Variants in TBX19 observed in about 807,000 individuals in gnomAD.
The protein encoded by TBX19 is T-box transcription factor 19.
A neutral mutation model predicts 40.9 loss-of-function variants in TBX19; 33 were observed. The observed-to-expected ratio is 0.81, with a 90% CI of 0.61 to 1.08. The LOEUF is 1.08. Among genes scored for constraint, TBX19 ranks in the 50% least tolerant of loss-of-function variants. The pLI is 0.00. For missense variants in TBX19, 494 were observed against 574.0 expected (o/e 0.86, Z 1.42); for synonymous variants, 220 against 225.0 (o/e 0.98, Z 0.20).
Position 168,312,730 on chromosome 1 carries a change from A to G in TBX19, c.1075A>G (p.Ile359Val), listed in dbSNP as rs1301801136. The G allele has an allele frequency of 6.2e-7, 1 of 1,613,742 alleles. No individual in the cohort carries two copies. Among genetic ancestry groups the G allele is most frequent in the African/African-American group, 1.3e-5 (1 of 75,062 alleles). The change falls in exon 8 of 8, where the codon ATC becomes GTC. Residue 359 changes from isoleucine (I) to valine (V), a missense_variant. Physicochemically the swap from Ile to Val is conservative, Grantham distance 29 (BLOSUM62 3). Coordinates refer to ENST00000367821, the MANE Select transcript of TBX19 (RefSeq NM_005149.3). ...GPSPYPCLWT[I>V]SNGAGGPSGP... is the part of the protein sequence containing the mutation. The stretch of plus-strand genomic sequence containing the variant: ...CAGCCCCTACCCGTGCCTGTGGACC[A>G]TCAGCAATGGTGCCGGAGGCCCCAG...
At position 168,297,791 on chromosome 1, in the gene TBX19, TAAAG is replaced by T; in HGVS notation, c.665+10_665+13del. 1 of 1,611,156 alleles carries T rather than the reference TAAAG, an allele frequency of 6.2e-7. No individual in the cohort carries two copies. Among genetic ancestry groups the T allele is most frequent in the Middle Eastern group, 1.7e-4 (1 of 6,060 alleles). ...TTCTTGGATGCCAAGGAAAGGTAAG[TAAAG>T]AAATTTTAGTGAAATCTTCTAATGA... On this transcript the variant is annotated splice_region_variant and intron_variant, in intron 4 of 7. Transcript: ENST00000367821.
At position 168,297,764 on chromosome 1, in the gene TBX19, C is replaced by G. The variant is rs1385369423; in HGVS notation, c.644C>G (p.Ala215Gly). The G allele has an allele frequency of 1.2e-6, 2 of 1,613,972 alleles. No individual in the cohort carries two copies. Among genetic ancestry groups the G allele is most frequent in the Admixed American group, 1.7e-5 (1 of 60,000 alleles). ...LKIKYNPFAK[A>G]FLDAKERNHL... ...ATCAAGTACAATCCTTTTGCCAAAG[C>G]CTTCTTGGATGCCAAGGAAAGGTAA... is the stretch of plus-strand genomic sequence containing the variant. The change falls in exon 4 of 8, where the codon GCC becomes GGC. Residue 215 changes from alanine to glycine, a missense_variant. Coordinates refer to ENST00000367821, the MANE Select transcript of TBX19 (RefSeq NM_005149.3).
chr1:168,306,447 G>A (rs1267889758), intron 6 of TBX19, among the ~76,000 whole-genome samples: 3 of 151,956 alleles, frequency 2.0e-5, no homozygotes, highest in Admixed American at 6.6e-5. Flanking sequence ...CCAACATGGC[G>A]AAACCCCGTC....
In TBX19 at chr1:168,312,938, C is replaced by A. The variant is rs1649561473; in HGVS notation, c.1283C>A (p.Pro428His). 1.9e-6 allele frequency: 3 copies of A among 1,614,130 alleles called. No individual in the cohort carries two copies. The highest frequency in any genetic ancestry group is 1.1e-5 in the South Asian group (1 of 91,092). Residue 428 changes from proline (P) to histidine (H), a missense_variant, in exon 8 of 8, where the codon CCC (proline) becomes CAC (histidine). Physicochemically the swap from Pro to His is moderately conservative, Grantham distance 77. Around this residue, in one of 3 missense-constraint regions of TBX19, gnomAD observed 284 missense variants for 307.3 expected, o/e 0.92. Coordinates refer to ENST00000367821, the MANE Select transcript of TBX19 (RefSeq NM_005149.3). ...VSTWTAVASHPFAGWGGPGAG... is the reference protein window; with the variant it reads ...VSTWTAVASHHFAGWGGPGAG... ...ACCTGGACAGCAGTGGCCTCGCATC[C>A]CTTCGCGGGCTGGGGTGGCCCAGGA...
intron 3 of TBX19, among the ~76,000 whole-genome samples, chr1:168,293,942 AAC>A (rs374223471): frequency 6.6e-6 from 1 of 152,302 alleles, no homozygotes; most frequent in East Asian, 1.9e-4. Context: ...TTTATTTAAA[AAC>A]ACATAATAAA....
intron 3 of TBX19, among the ~76,000 whole-genome samples, chr1:168,295,016 G>T (rs1238499353): frequency 6.6e-6 from 1 of 152,090 alleles, no homozygotes; most frequent in African/African-American, 2.4e-5. Context: ...ATCTTGGCCG[G>T]ACGTGGTGGC....
In TBX19 at chr1:168,297,771, G is replaced by A; in HGVS notation, c.651G>A (p.Leu217=). ...IKYNPFAKAF[L]DAKERNHLRD... is the part of the protein sequence containing the mutation. ...ACAATCCTTTTGCCAAAGCCTTCTT[G>A]GATGCCAAGGAAAGGTAAGTAAAGA... is the stretch of plus-strand genomic sequence containing the variant. Residue 217 remains leucine (L), a synonymous_variant, in exon 4 of 8, where the codon TTG becomes TTA. Transcript: ENST00000367821. 1 of 1,613,884 alleles carries A rather than the reference G, an allele frequency of 6.2e-7. No individual in the cohort carries two copies. Among genetic ancestry groups the A allele is most frequent in the Non-Finnish European group, 8.5e-7 (1 of 1,179,866 alleles).
At chr1:168,293,565 T>C (rs1649009200) in intron 3 of TBX19, among the ~76,000 whole-genome samples, 1 of 152,172 alleles carries the variant, frequency 6.6e-6, no homozygotes, top group Non-Finnish European at 1.5e-5. Flanking sequence ...GGAGTCTTTG[T>C]TGTCAGGACC....
In TBX19 at chr1:168,296,595, A is replaced by G. The variant is rs966327240; in HGVS notation, c.604-1129A>G. On this transcript the variant is annotated intron_variant, in intron 3 of 7. Transcript: ENST00000367821. Reference sequence around the variant, plus strand: ...TATCTCCCACCGGGACCGTCCCACAACACGTGGGAATTATGGGAGCTACAA... The same window carrying G: ...TATCTCCCACCGGGACCGTCCCACAGCACGTGGGAATTATGGGAGCTACAA... 1.1e-4 allele frequency among the ~76,000 whole-genome samples: 17 copies of G among 152,276 alleles called. 1 individual carries two copies. The highest frequency in any genetic ancestry group is 1.9e-4 in the East Asian group (1 of 5,184).
intron 3 of TBX19, among the ~76,000 whole-genome samples, chr1:168,296,720 T>C (rs897186342): frequency 1.9e-4 from 29 of 152,138 alleles, no homozygotes; most frequent in Admixed American, 4.6e-4. Flanking sequence ...GACATAAATA[T>C]TCTGTGAGCT....
chr1:168,308,144 ATT>A lies in TBX19; in HGVS notation c.917-585_917-584del, dbSNP rs72183595. On this transcript the variant is annotated intron_variant, in intron 6 of 7. Transcript: ENST00000367821. ...TGTAAAAAGGTATGTTTTTTTCTTA[ATT>A]TTTTTTTTTTTTAATTGTAGAGATG... 8.9e-3 allele frequency: 1,311 copies of A among 146,794 alleles called. 11 individuals carry two copies. Among genetic ancestry groups the A allele is most frequent in the African/African-American group, 0.027 (1,073 of 40,008 alleles). The allele number at this position is 146,794 out of a possible 1,614,324, so 9.1% of individuals were successfully genotyped here. A position where few individuals can be genotyped will look rare whatever the true frequency, so the allele number is the denominator to read the frequency against.
chr1:168,283,572 T>A (rs1386127681), intron 1 of TBX19, among the ~76,000 whole-genome samples: 2 of 151,958 alleles, frequency 1.3e-5, no homozygotes, highest in Admixed American at 1.3e-4. Flanking sequence ...CCCTTCTTCC[T>A]TCTCTCTTTT....
chr1:168,297,979 G>A (rs1465941704), intron 4 of TBX19, among the ~76,000 whole-genome samples, 194 bp downstream of exon 4: 1 of 152,104 alleles, frequency 6.6e-6, no homozygotes, highest in Non-Finnish European at 1.5e-5. Context: ...GGCAGATTAC[G>A]AGATCAGGAG....
chr1:168,296,180 CT>C (rs1649100981), intron 3 of TBX19, among the ~76,000 whole-genome samples: 1 of 152,142 alleles, frequency 6.6e-6, no homozygotes, highest in Admixed American at 6.5e-5. Flanking sequence ...TTCTTGTATG[CT>C]TTTCTACCTC....
rs773283992 is a variant in TBX19, at chr1:168,312,789, A to G, written c.1134A>G (p.Pro378=). Residue 378 remains proline (P), a synonymous_variant, in exon 8 of 8, where the codon CCA becomes CCG. Transcript: ENST00000367821. ...GPGPEVHAST[P]GAFLLGNPAV... ...GCCCGGAGGTGCACGCCAGCACCCC[A>G]GGAGCATTTCTCCTCGGAAACCCAG... 15 of 1,614,252 alleles carry G rather than the reference A, an allele frequency of 9.3e-6. No individual in the cohort carries two copies. The highest frequency in any genetic ancestry group is 9.3e-6 in the Non-Finnish European group (11 of 1,180,036).
At chr1:168,291,108 G>T in intron 1 of TBX19, 52 bp from the exon 2 acceptor site, 1 of 1,612,892 alleles carries the variant, frequency 6.2e-7, no homozygotes, top group South Asian at 1.1e-5. Flanking sequence ...TGGACAAGGT[G>T]AGAGTTCCTC....
intron 1 of TBX19, 82 bp from the exon 2 acceptor site, chr1:168,291,078 T>C: frequency 6.3e-7 from 1 of 1,593,456 alleles, no homozygotes. Flanking sequence ...CCGTGGAAGG[T>C]CTCAGTATTG....
At chr1:168,288,933 G>T (rs1305591964) in intron 1 of TBX19, among the ~76,000 whole-genome samples, 1 of 152,016 alleles carries the variant, frequency 6.6e-6, no homozygotes, top group Non-Finnish European at 1.5e-5. Flanking sequence ...GCTAAATTTT[G>T]TATTTTTTAT....
At chr1:168,311,527 A>G (rs1218168629) in intron 7 of TBX19, among the ~76,000 whole-genome samples, 1 of 152,200 alleles carries the variant, frequency 6.6e-6, no homozygotes, top group Admixed American at 6.5e-5. Context: ...TATGGTCCAA[A>G]GAGGCCTGTA....
Sources: allele counts gnomAD v4.1 joint callset (sites outside exome capture counted in the v4.1 genomes callset), GRCh38; gene constraint gnomAD v4.1.1; regional missense constraint gnomAD v4.1.1; transcripts MANE v1.5; gene names NCBI Gene and HGNC (gene_info 2026-07-23, HGNC 2026-07-21).